The following SGCZ variants were observed in gnomAD, a reference collection of about 807,000 sequenced individuals.
The protein encoded by SGCZ is zeta-sarcoglycan.
SGCZ carries 40 observed loss-of-function variants against 41.3 expected under a neutral mutation model. The observed-to-expected ratio is 0.97, with a 90% CI of 0.75 to 1.26. The LOEUF (loss-of-function observed/expected upper bound fraction) is 1.26, where lower values mean the gene tolerates loss of function less well. Among genes scored for constraint, SGCZ ranks in the 50% most tolerant of loss-of-function variants. The pLI is 0.00. For synonymous variants in SGCZ, 206 were observed against 137.5 expected (o/e 1.50, Z -3.49); for missense variants, 552 against 369.8 (o/e 1.49, Z -4.04).
At chr8:15,107,648 C>CT (rs142522582) in intron 1 of SGCZ, among the ~76,000 whole-genome samples, 1 of 151,870 alleles carries the variant, frequency 6.6e-6, no homozygotes, top group African/African-American at 2.4e-5. Context: ...CTACATAAAC[C>CT]TTTTTTTTGT....
chr8:14,888,855 T>A (rs1194536290), intron 1 of SGCZ, among the ~76,000 whole-genome samples: 3 of 152,174 alleles, frequency 2.0e-5, no homozygotes, highest in Non-Finnish European at 4.4e-5. Context: ...TTCAACAGGT[T>A]GTAATAAATA....
chr8:14,998,890 C>A (rs1351779313), intron 1 of SGCZ, among the ~76,000 whole-genome samples: 1 of 152,092 alleles, frequency 6.6e-6, no homozygotes, highest in Non-Finnish European at 1.5e-5. Flanking sequence ...GTTACTGAGC[C>A]AAAGAGGATC....
chr8:14,190,017 T>TC (rs1554475171), intron 4 of SGCZ, among the ~76,000 whole-genome samples: 1 of 136,740 alleles, frequency 7.3e-6, no homozygotes, highest in African/African-American at 2.8e-5. Context: ...TTTCTTTCTT[T>TC]TTTTTTTTTT....
rs76881483 is a variant in SGCZ at position 15,026,836 on chromosome 8, G to A, written c.39+210749C>T. ...AGCCCAACAGTAGATTTCTTTTATCGTTCTACAATTCTCTTTTTGAGGAGA... is the reference window on the plus strand; with the variant it reads ...AGCCCAACAGTAGATTTCTTTTATCATTCTACAATTCTCTTTTTGAGGAGA... On this transcript the variant is annotated intron_variant, in intron 1 of 7. Coordinates refer to ENST00000382080, the MANE Select transcript of SGCZ (RefSeq NM_139167.4). Among the ~76,000 whole-genome samples, 1,170 of 152,194 alleles carry A rather than the reference G, an allele frequency of 7.7e-3. 9 individuals are homozygous for A. The highest frequency in any genetic ancestry group is 0.027 in the African/African-American group (1,101 of 41,546).
intron 4 of SGCZ, among the ~76,000 whole-genome samples, chr8:14,226,209 C>T (rs780800358): frequency 2.6e-5 from 4 of 151,970 alleles, no homozygotes; most frequent in African/African-American, 4.8e-5. Context: ...TAAAAAAAGA[C>T]AGACATCATG....
chr8:14,444,355 A>C (rs28847583), intron 2 of SGCZ, among the ~76,000 whole-genome samples: 28,153 of 152,012 alleles, frequency 0.19, 2,977 homozygotes, highest in African/African-American at 0.3. Context: ...ATAAAGACAC[A>C]TGCACACGTA....
At chr8:14,307,269 C>G (rs1198643083) in intron 3 of SGCZ, among the ~76,000 whole-genome samples, 1 of 152,116 alleles carries the variant, frequency 6.6e-6, no homozygotes, top group Non-Finnish European at 1.5e-5. Flanking sequence ...TAATTTGGTT[C>G]AAGACTAGAC....
rs529675993 is a variant in SGCZ, at chr8:15,064,889, T to C, written c.39+172696A>G. Among the ~76,000 whole-genome samples, 7 of 152,306 alleles carry C rather than the reference T, an allele frequency of 4.6e-5. No individual in the cohort carries two copies. The East Asian group carries it at 1.2e-3, about 25-fold the overall frequency. ...TAGACCAAACCCCTGGCGTTTCGGTTGGCTCTTTGGTGCCAATTTTCATTA... is the reference window on the plus strand; with the variant it reads ...TAGACCAAACCCCTGGCGTTTCGGTCGGCTCTTTGGTGCCAATTTTCATTA... On this transcript the variant is annotated intron_variant, in intron 1 of 7. Transcript: ENST00000382080.
rs1801548406 is a variant in SGCZ, at chr8:14,087,297, T to G, written c.*3146A>C. 1.1e-5 allele frequency among the ~76,000 whole-genome samples: 1 copy of G among 95,186 alleles called. No homozygotes were observed. The highest frequency in any genetic ancestry group is 2.7e-5 in the African/African-American group (1 of 36,370). The allele number at this position is 95,186 out of a possible 152,430, so 62.4% of individuals were successfully genotyped here. On this transcript the variant is annotated 3_prime_UTR_variant, in exon 8 of 8. Coordinates refer to ENST00000382080, the MANE Select transcript of SGCZ (RefSeq NM_139167.4). ...GTAGGAAATTTGGAAGTTTTTGTTGTTCTTGCTGTTTTTTTTTGAAGTATT... is the reference window on the plus strand; with the variant it reads ...GTAGGAAATTTGGAAGTTTTTGTTGGTCTTGCTGTTTTTTTTTGAAGTATT...
intron 1 of SGCZ, among the ~76,000 whole-genome samples, chr8:14,983,684 G>A (rs1203341337): frequency 6.6e-6 from 1 of 152,036 alleles, no homozygotes; most frequent in East Asian, 1.9e-4. Flanking sequence ...TTCCTTTGAG[G>A]TGAATTCTCA....
chr8:14,584,330 G>T (rs918528486), intron 1 of SGCZ, among the ~76,000 whole-genome samples: 1 of 152,128 alleles, frequency 6.6e-6, no homozygotes, highest in Admixed American at 6.6e-5. Flanking sequence ...ATGGTTGTGT[G>T]GTAAGTAGGT....
intron 2 of SGCZ, among the ~76,000 whole-genome samples, chr8:14,445,677 T>G (rs1800410957): frequency 6.6e-6 from 1 of 152,172 alleles, no homozygotes; most frequent in Admixed American, 6.5e-5. Context: ...ACACATTGAC[T>G]GTGGGTACCC....
intron 3 of SGCZ, among the ~76,000 whole-genome samples, chr8:14,261,527 A>G (rs1433153918): frequency 1.3e-5 from 2 of 152,164 alleles, no homozygotes; most frequent in African/African-American, 4.8e-5. Flanking sequence ...TGAACATAAT[A>G]TTTTATCAGC....
intron 1 of SGCZ, among the ~76,000 whole-genome samples, chr8:15,200,543 C>T (rs1362865182): frequency 6.6e-6 from 1 of 152,156 alleles, no homozygotes; most frequent in East Asian, 1.9e-4. Flanking sequence ...TATGATATGA[C>T]ATTCATGAGA....
chr8:14,100,664 T>C (rs1232234787), intron 7 of SGCZ, among the ~76,000 whole-genome samples: 2 of 150,136 alleles, frequency 1.3e-5, no homozygotes, highest in Non-Finnish European at 3.0e-5. Flanking sequence ...AGATCACTTA[T>C]GGTATAATAT....
intron 1 of SGCZ, among the ~76,000 whole-genome samples, chr8:14,714,100 TG>T (rs1298595394): frequency 6.6e-6 from 1 of 152,076 alleles, no homozygotes; most frequent in African/African-American, 2.4e-5. Flanking sequence ...CCCGAGTACC[TG>T]GGATTACAGG....
intron 1 of SGCZ, among the ~76,000 whole-genome samples, chr8:14,857,284 C>A (rs1249511055): frequency 6.6e-6 from 1 of 152,108 alleles, no homozygotes; most frequent in East Asian, 1.9e-4. Context: ...CTCACTTAAA[C>A]CTCTTTTCTT....
At chr8:14,713,213 G>A (rs566607093) in intron 1 of SGCZ, among the ~76,000 whole-genome samples, 15 of 152,202 alleles carry the variant, frequency 9.9e-5, no homozygotes, top group Middle Eastern at 3.4e-3. Flanking sequence ...AAAGAAATCC[G>A]GAGGAAATTA....
At chr8:14,251,143 G>A (rs536900900) in intron 3 of SGCZ, among the ~76,000 whole-genome samples, 21 of 152,208 alleles carry the variant, frequency 1.4e-4, no homozygotes, top group Admixed American at 3.9e-4. Context: ...CAAGAGAATT[G>A]CTTGAACTCG....
Sources: allele counts gnomAD v4.1 joint callset (sites outside exome capture counted in the v4.1 genomes callset), GRCh38; gene constraint gnomAD v4.1.1; transcripts MANE v1.5; gene names NCBI Gene and HGNC (gene_info 2026-07-23, HGNC 2026-07-21).